The following LRP1 variants were observed in gnomAD, a reference collection of about 807,000 sequenced individuals.
The protein encoded by LRP1 is LDL receptor related protein 1, also known as prolow-density lipoprotein receptor-related protein 1.
In LRP1, 51 loss-of-function variants were observed where a neutral mutation model predicts 541.5. The observed-to-expected ratio is 0.09, with a 90% CI of 0.08 to 0.12. The LOEUF (loss-of-function observed/expected upper bound fraction) is 0.12, where lower values mean the gene tolerates loss of function less well. Ranked by LOEUF, LRP1 falls within the 10% of genes least tolerant of loss-of-function variation. The pLI is 1.00. For synonymous variants in LRP1, 2,219 were observed against 2,470.8 expected (o/e 0.90, Z 3.02); for missense variants, 3,878 against 6,376.2 (o/e 0.61, Z 13.34).
intron 3 of LRP1, among the ~76,000 whole-genome samples, chr12:57,142,259 C>T (rs905863478): frequency 6.6e-6 from 1 of 152,242 alleles, no homozygotes; most frequent in African/African-American, 2.4e-5. Context: ...TGGCTTCTCC[C>T]TTCTCTTTTC....
In LRP1 at chr12:57,211,209, C is replaced by T. The variant is rs748971509; in HGVS notation, c.12950C>T (p.Thr4317Ile). ...QCSGYCENFG[T>I]CQMAADGSRQ... ...TCTGGCTACTGTGAGAACTTTGGCA[C>T]ATGCCAGATGGCTGCTGATGGCTCC... is the stretch of plus-strand genomic sequence containing the variant. Residue 4317 changes from threonine (T) to isoleucine (I), a missense_variant, in exon 84 of 89, where the codon ACA becomes ATA. This residue lies in a region of LRP1 where 871 missense variants were observed against 1,212.4 expected (regional missense o/e 0.72). Transcript: ENST00000243077. The surrounding 1 kb of genome is among the most constrained non-coding windows in gnomAD (Gnocchi z 4.3). 4 of 1,614,262 alleles carry T rather than the reference C, an allele frequency of 2.5e-6. No homozygotes were observed. The highest frequency in any genetic ancestry group is 3.4e-6 in the Non-Finnish European group (4 of 1,180,044).
At position 57,200,826 on chromosome 12, in the gene LRP1, G is replaced by GAC; in HGVS notation, c.10225+11_10225+12insAC. 5.2e-5 allele frequency: 83 copies of GAC among 1,581,384 alleles called. No individual in the cohort carries two copies. The highest frequency in any genetic ancestry group is 2.6e-4 in the South Asian group (23 of 89,982). On this transcript the variant is annotated intron_variant, in intron 64 of 88. Transcript: ENST00000243077. ...ACGAGGCCAACTGTGGTAAGGCGCT[G>GAC]CCCGCCCACCCTCCCTCCTTCCCCA...
At chr12:57,191,068 A>G (rs2036368462) in intron 43 of LRP1, 59 bp downstream of exon 43, 3 of 1,526,720 alleles carry the variant, frequency 2.0e-6, no homozygotes. Flanking sequence ...GGCCAGGGTC[A>G]GCCGTCAACC....
rs370859987 is a variant in LRP1, at chr12:57,210,126, C to T, written c.12537C>T (p.Asn4179=). The part of the protein sequence containing the change: ...CTCPNGKRLD[N]GTCVPVPSPT... ...GTCCCAATGGGAAGCGGCTGGACAA[C>T]GGCACATGCGTGCCTGTGCCCTCTC... The change falls in exon 81 of 89, where the codon AAC becomes AAT. Residue 4179 remains asparagine, a synonymous_variant. Coordinates refer to ENST00000243077, the MANE Select transcript of LRP1 (RefSeq NM_002332.3). The T allele has an allele frequency of 3.4e-5, 55 of 1,612,558 alleles. No individual in the cohort carries two copies. The highest frequency in any genetic ancestry group is 2.9e-4 in the East Asian group (13 of 44,894).
Position 57,212,249 on chromosome 12 carries a change from G to A in LRP1, c.13482G>A (p.Leu4494=). The stretch of plus-strand genomic sequence containing the variant: ...GCCTACTGGACGCTGACTTTGCCCT[G>A]GACCCTGACAAGGTGGGCTGGGAGG... ...VGGLLDADFA[L]DPDKPTNFTN... The change falls in exon 88 of 89, where the codon CTG becomes CTA. Residue 4494 remains leucine (L), a synonymous_variant. Transcript: ENST00000243077. The surrounding 1 kb of genome is among the most constrained non-coding windows in gnomAD (Gnocchi z 5.0). 6.2e-7 allele frequency: 1 copy of A among 1,613,478 alleles called. No individual in the cohort carries two copies. Among genetic ancestry groups the A allele is most frequent in the Non-Finnish European group, 8.5e-7 (1 of 1,179,738 alleles).
chr12:57,154,081 G>A lies in LRP1; in HGVS notation c.842-127G>A. ...TGTATATCCACTCTGAGCTAAGCAT[G>A]GGGGTGTTGGGTGGGAGGGCGTCCA... On this transcript the variant is annotated intron_variant, in intron 6 of 88. Transcript: ENST00000243077. This position sits in a 1 kb window ranked among gnomAD's most constrained non-coding sequence, Gnocchi z 4.6. 1 of 814,594 alleles carries A rather than the reference G, an allele frequency of 1.2e-6. No individual in the cohort carries two copies. Among genetic ancestry groups the A allele is most frequent in the Non-Finnish European group, 2.1e-6 (1 of 487,686 alleles). The allele number at this position is 814,594 out of a possible 1,614,324, so 50.5% of individuals were successfully genotyped here. A position where few individuals can be genotyped will look rare whatever the true frequency, so the allele number is the denominator to read the frequency against.
chr12:57,141,620 C>T, intron 3 of LRP1, 109 bp downstream of exon 3: 1 of 1,376,442 alleles, frequency 7.3e-7, no homozygotes, highest in Admixed American at 2.0e-5. Context: ...TTGTCCTGGT[C>T]CCCTGCCTAG....
Position 57,185,557 on chromosome 12 carries a change from G to C in LRP1, c.6490G>C (p.Gly2164Arg). 1.3e-6 allele frequency: 2 copies of C among 1,588,950 alleles called. No individual in the cohort carries two copies. The highest frequency in any genetic ancestry group is 2.2e-5 in the South Asian group (2 of 89,126). ...KGTNVCAVAN[G>R]GCQQLCLYRG... is the part of the protein sequence containing the mutation. ...CACCAACGTGTGCGCGGTGGCCAAT[G>C]GCGGGTGCCAGCAGCTGTGCCTGTA... The change falls in exon 41 of 89, where the codon GGC (glycine) becomes CGC (arginine). Residue 2164 changes from glycine (G) to arginine (R), a missense_variant. Around this residue, in one of 13 missense-constraint regions of LRP1, gnomAD observed 1,100 missense variants for 1,827.4 expected, o/e 0.60. Coordinates refer to ENST00000243077, the MANE Select transcript of LRP1 (RefSeq NM_002332.3). The surrounding 1 kb of genome is among the most constrained non-coding windows in gnomAD (Gnocchi z 4.9).
Position 57,185,496 on chromosome 12 carries a change from G to A in LRP1, c.6464-35G>A. Reference sequence around the variant, plus strand: ...AAGGCACCAGTGAGCCTTTCCCAAGGCAGGCCCTGCCCTCTGTACCCTCCC... The same window carrying A: ...AAGGCACCAGTGAGCCTTTCCCAAGACAGGCCCTGCCCTCTGTACCCTCCC... On this transcript the variant is annotated intron_variant, in intron 40 of 88. Transcript: ENST00000243077. The surrounding 1 kb of genome is among the most constrained non-coding windows in gnomAD (Gnocchi z 4.9). The A allele has an allele frequency of 6.5e-7, 1 of 1,535,960 alleles. No homozygotes were observed.
Position 57,194,336 on chromosome 12 carries a change from C to T in LRP1, c.7919-18C>T. The T allele has an allele frequency of 6.6e-7, 1 of 1,508,152 alleles. No homozygotes were observed. The allele number at this position is 1,508,152 out of a possible 1,614,324, so 93.4% of individuals were successfully genotyped here. ...TCCAGGGGGAACCAGGTATCACCCT[C>T]ACCCCTGCCCCCACCAGGTGCCACC... On this transcript the variant is annotated intron_variant, in intron 48 of 88. Coordinates refer to ENST00000243077, the MANE Select transcript of LRP1 (RefSeq NM_002332.3).
intron 60 of LRP1, among the ~76,000 whole-genome samples, 176 bp from the exon 61 acceptor site, chr12:57,199,036 T>A (rs984973905): frequency 7.9e-5 from 12 of 152,196 alleles, no homozygotes; most frequent in Non-Finnish European, 1.2e-4. Context: ...AGGTTTGAAC[T>A]CCAGCTCTGA....
In LRP1 at chr12:57,191,421, C is replaced by A. The variant is rs745607221; in HGVS notation, c.7338C>A (p.Asn2446Lys). 1.2e-6 allele frequency: 2 copies of A among 1,613,386 alleles called. No homozygotes were observed. The highest frequency in any genetic ancestry group is 1.1e-5 in the South Asian group (1 of 91,074). ...DWVRRAVQRA[N>K]KHVGSNMKLL... is the part of the protein sequence containing the mutation. ...TGCGGCGGGCAGTGCAGCGGGCCAA[C>A]AAGCACGTGGGCAGCAACATGAAGC... The change falls in exon 44 of 89, where the codon AAC (asparagine) becomes AAA (lysine). Residue 2446 changes from asparagine to lysine, a missense_variant. By Grantham distance (94) the Asn-to-Lys change is moderately conservative (BLOSUM62 0). Transcript: ENST00000243077.
At position 57,194,540 on chromosome 12, in the gene LRP1, C is replaced by A. The variant is rs139262076; in HGVS notation, c.8068+37C>A. 9 of 1,612,044 alleles carry A rather than the reference C, an allele frequency of 5.6e-6. 1 individual carries two copies. The South Asian group carries it at 8.8e-5, about 16-fold the overall frequency. On this transcript the variant is annotated intron_variant, in intron 49 of 88. Coordinates refer to ENST00000243077, the MANE Select transcript of LRP1 (RefSeq NM_002332.3). Reference sequence around the variant, plus strand: ...CAGGTGTGTGGTGGGTGGTGGCCTGCGGTGAGCAGGGCCCTCACACCTGCC... The same window carrying A: ...CAGGTGTGTGGTGGGTGGTGGCCTGAGGTGAGCAGGGCCCTCACACCTGCC...
rs144384483 is a variant in LRP1, at chr12:57,198,495, T to C, written c.9501T>C (p.His3167=). 8.9e-5 allele frequency: 144 copies of C among 1,614,070 alleles called. No individual in the cohort carries two copies. The African/African-American group carries it at 1.8e-3, about 20-fold the overall frequency. ...GYLYWTDWGD[H]SLIGRIGMDG... ...TGTACTGGACAGACTGGGGTGACCA[T>C]TCACTGATCGGCCGCATCGGCATGG... The change falls in exon 60 of 89, where the codon CAT becomes CAC. Residue 3167 remains histidine (H), a synonymous_variant. Coordinates refer to ENST00000243077, the MANE Select transcript of LRP1 (RefSeq NM_002332.3).
In LRP1 at chr12:57,200,492, C is replaced by G. The variant is rs370463475; in HGVS notation, c.10065C>G (p.Thr3355=). ...KCIPFWWKCD[T]EDDCGDHSDE... ...TCCCCTTCTGGTGGAAGTGTGACAC[C>G]GAGGACGACTGCGGGGACCACTCAG... Residue 3355 remains threonine (T), a synonymous_variant, in exon 63 of 89, where the codon ACC becomes ACG. Transcript: ENST00000243077. 3 of 1,613,688 alleles carry G rather than the reference C, an allele frequency of 1.9e-6. No homozygotes were observed. In the African/African-American group the frequency reaches 4.0e-5, roughly 22 times the overall value.
intron 77 of LRP1, 140 bp downstream of exon 77, chr12:57,208,356 C>T (rs975652375): frequency 1.1e-6 from 1 of 909,582 alleles, no homozygotes; most frequent in African/African-American, 1.7e-5. Context: ...CTTGGGTCTT[C>T]TCGGCCACCC....
At chr12:57,147,623 G>A (rs2035440457) in intron 6 of LRP1, 1 of 152,232 alleles carries the variant, frequency 6.6e-6, no homozygotes, top group South Asian at 2.1e-4. Flanking sequence ...GGTGCACACA[G>A]AGGGAGGAGT....
At chr12:57,148,856 G>C (rs2035468785) in intron 6 of LRP1, 2 of 479,296 alleles carry the variant, frequency 4.2e-6, no homozygotes, top group Non-Finnish European at 3.7e-6. Flanking sequence ...GAAGGAGGTG[G>C]CTGGGGAGCT....
chr12:57,138,327 A>G (rs2035216577), intron 1 of LRP1, 132 bp from the exon 2 acceptor site: 2 of 1,111,536 alleles, frequency 1.8e-6, no homozygotes, highest in Non-Finnish European at 1.3e-6. Context: ...CCCCAGGCAC[A>G]TAGACCATGG....
Sources: gnomAD v4.1 joint callset for allele counts (sites outside exome capture counted in the v4.1 genomes callset) on GRCh38, gnomAD v4.1.1 for gene constraint, gnomAD v4.1.1 regional missense constraint, Gnocchi (gnomAD v3.1) non-coding constraint, MANE v1.5 for transcripts, NCBI Gene and HGNC (gene_info 2026-07-23, HGNC 2026-07-21) for gene names.